PLCL1: variants seen among roughly 807,000 people sequenced by gnomAD.
The protein encoded by PLCL1 is inactive phospholipase C-like protein 1.
PLCL1 carries 41 observed loss-of-function variants against 84.4 expected under a neutral mutation model. The observed-to-expected ratio is 0.49, with a 90% confidence interval of 0.38 to 0.63. The LOEUF is 0.63. PLCL1 is among the 30% of genes least tolerant of loss of function. The pLI, the probability that PLCL1 is intolerant of heterozygous loss-of-function variation, is 0.00. For missense variants in PLCL1, 1,206 were observed against 1,367.8 expected (o/e 0.88, Z 1.87); for synonymous variants, 490 against 488.3 (o/e 1.00, Z -0.05).
chr2:198,100,113 A>G (rs1693295306), intron 3 of PLCL1, among the ~76,000 whole-genome samples: 1 of 152,130 alleles, frequency 6.6e-6, no homozygotes, highest in Non-Finnish European at 1.5e-5. Flanking sequence ...GCACACACAT[A>G]TGTGGGTAGC....
chr2:198,092,280 C>A (rs1314496225), intron 3 of PLCL1, among the ~76,000 whole-genome samples: 1 of 152,160 alleles, frequency 6.6e-6, no homozygotes, highest in East Asian at 1.9e-4. Context: ...CCAACCTCAC[C>A]TGCCTCTCCA....
intron 1 of PLCL1, among the ~76,000 whole-genome samples, chr2:197,858,924 T>A (rs1213263666): frequency 2.0e-5 from 3 of 152,082 alleles, no homozygotes; most frequent in Non-Finnish European, 4.4e-5. Context: ...ATTAGCTGGT[T>A]ACCTTGTTAC....
intron 1 of PLCL1, among the ~76,000 whole-genome samples, chr2:197,936,040 C>T (rs542604210): frequency 2.6e-5 from 4 of 152,162 alleles, no homozygotes; most frequent in African/African-American, 9.6e-5. Flanking sequence ...AGCATAATTC[C>T]TCCAGGTTCA....
chr2:197,808,546 T>C (rs1690525618), intron 1 of PLCL1, among the ~76,000 whole-genome samples: 1 of 152,198 alleles, frequency 6.6e-6, no homozygotes, highest in South Asian at 2.1e-4. Context: ...AAGAAATACA[T>C]AGCAAATGTT....
At chr2:198,091,909 C>T (rs901143541) in intron 3 of PLCL1, among the ~76,000 whole-genome samples, 1 of 151,626 alleles carries the variant, frequency 6.6e-6, no homozygotes, top group Non-Finnish European at 1.5e-5. Flanking sequence ...CCATCCTTGC[C>T]CAATCTCACT....
intron 1 of PLCL1, among the ~76,000 whole-genome samples, chr2:197,902,637 C>T (rs1688289835): frequency 6.6e-6 from 1 of 152,162 alleles, no homozygotes; most frequent in Non-Finnish European, 1.5e-5. Context: ...GTATGAAGAA[C>T]AGGATGAACT....
chr2:198,032,286 A>C (rs1691447123), intron 1 of PLCL1, among the ~76,000 whole-genome samples: 1 of 152,220 alleles, frequency 6.6e-6, no homozygotes, highest in South Asian at 2.1e-4. Flanking sequence ...CTAGGCAAAC[A>C]CACTGACATT....
chr2:198,128,268 T>A (rs1694038601), intron 5 of PLCL1, among the ~76,000 whole-genome samples: 1 of 152,126 alleles, frequency 6.6e-6, no homozygotes. Flanking sequence ...ACCACCCAGT[T>A]GGGTTCACCT....
At chr2:197,949,499 G>A (rs1390636420) in intron 1 of PLCL1, among the ~76,000 whole-genome samples, 1 of 152,076 alleles carries the variant, frequency 6.6e-6, no homozygotes, top group Non-Finnish European at 1.5e-5. Context: ...TTCTCAAGGA[G>A]GAAAAAACCC....
At chr2:197,876,839 C>T (rs994674128) in intron 1 of PLCL1, among the ~76,000 whole-genome samples, 5 of 152,038 alleles carry the variant, frequency 3.3e-5, no homozygotes, top group Non-Finnish European at 4.4e-5. Context: ...CTGCATACAG[C>T]CTGTTGGTGG....
At chr2:197,855,291 C>A (rs1161984843) in intron 1 of PLCL1, among the ~76,000 whole-genome samples, 6 of 152,246 alleles carry the variant, frequency 3.9e-5, no homozygotes, top group African/African-American at 7.2e-5. Context: ...TGCCCTTTTT[C>A]CTGGCACACT....
chr2:197,906,331 CT>C (rs796809699), intron 1 of PLCL1, among the ~76,000 whole-genome samples: 2,031 of 142,794 alleles, frequency 0.014, 50 homozygotes, highest in African/African-American at 0.044. Flanking sequence ...TTCCCTATTG[CT>C]TTTTTTTTTT....
intron 1 of PLCL1, among the ~76,000 whole-genome samples, chr2:197,981,892 A>G (rs1559063934): frequency 6.6e-6 from 1 of 152,206 alleles, no homozygotes; most frequent in Non-Finnish European, 1.5e-5. Context: ...ACAACCTAGA[A>G]GGGATGAGAT....
chr2:197,983,010 C>A (rs1041723890), intron 1 of PLCL1, among the ~76,000 whole-genome samples: 1 of 151,712 alleles, frequency 6.6e-6, no homozygotes, highest in Non-Finnish European at 1.5e-5. Context: ...TATAAGTGAA[C>A]AATTTTGATA....
chr2:198,112,443 T>G (rs951807502), intron 5 of PLCL1, among the ~76,000 whole-genome samples: 1 of 151,930 alleles, frequency 6.6e-6, no homozygotes, highest in Non-Finnish European at 1.5e-5. Context: ...CTGCCATTTC[T>G]TGATGGGACA....
intron 1 of PLCL1, among the ~76,000 whole-genome samples, chr2:197,810,030 T>C (rs1690551993): frequency 1.3e-5 from 2 of 152,120 alleles, no homozygotes; most frequent in East Asian, 1.9e-4. Flanking sequence ...TTTGGAGAAA[T>C]AACCAGAGGA....
At chr2:197,954,648 T>C (rs1689451623) in intron 1 of PLCL1, among the ~76,000 whole-genome samples, 1 of 152,082 alleles carries the variant, frequency 6.6e-6, no homozygotes, top group South Asian at 2.1e-4. Context: ...TATGATTATA[T>C]TCAGAAACGA....
intron 1 of PLCL1, among the ~76,000 whole-genome samples, chr2:197,999,959 C>G (rs1307537117): frequency 6.6e-6 from 1 of 152,112 alleles, no homozygotes; most frequent in Non-Finnish European, 1.5e-5. Flanking sequence ...TATCAGTTAT[C>G]AATTATCTAT....
At chr2:197,974,306 A>C (rs1413414821) in intron 1 of PLCL1, among the ~76,000 whole-genome samples, 1 of 152,248 alleles carries the variant, frequency 6.6e-6, no homozygotes, top group Non-Finnish European at 1.5e-5. Context: ...GGAGATTTCA[A>C]TTTGGGAACC....
Sources: gnomAD v4.1 joint callset for allele counts (sites outside exome capture counted in the v4.1 genomes callset) on GRCh38, gnomAD v4.1.1 for gene constraint, MANE v1.5 for transcripts, NCBI Gene and HGNC (gene_info 2026-07-23, HGNC 2026-07-21) for gene names.